TRAK1: variants seen among roughly 807,000 people sequenced by gnomAD.
TRAK1 encodes trafficking kinesin-binding protein 1.
TRAK1 carries 33 observed loss-of-function variants against 92.1 expected under a neutral mutation model. The observed-to-expected ratio is 0.36, with a 90% CI of 0.27 to 0.48. The LOEUF (loss-of-function observed/expected upper bound fraction) is 0.48. Among genes scored for constraint, TRAK1 ranks in the 20% least tolerant of loss-of-function variants. TRAK1 has a pLI of 0.99. For missense variants in TRAK1, 1,123 were observed against 1,257.9 expected, an observed-to-expected ratio of 0.89 and a Z score of 1.62; for synonymous variants, 521 against 517.3, an observed-to-expected ratio of 1.01 and a Z score of -0.10.
rs1710015548 is a variant in TRAK1 at position 42,218,880 on chromosome 3, C to T, written c.1964-614C>T. ...TCCTGGAGCTCAGGACCCTAGAGAG[C>T]CCTGATCTCTGGAACTCTTGCCACG... On this transcript the variant is annotated intron_variant, in intron 14 of 15. Transcript: ENST00000327628. The T allele has an allele frequency of 1.9e-5, 19 of 985,254 alleles. No individual in the cohort carries two copies. In the South Asian group the frequency reaches 6.1e-4, roughly 32 times the overall value. The allele number at this position is 985,254 out of a possible 1,614,324, so 61.0% of individuals were successfully genotyped here.
chr3:42,223,755 G>C lies in TRAK1; in HGVS notation c.*18G>C. ...TACGGTGAGGACTGGAGGGGGGCCGGTTGCCCTAGAGGAGACCCACGTTCT... is the reference window on the plus strand; with the variant it reads ...TACGGTGAGGACTGGAGGGGGGCCGCTTGCCCTAGAGGAGACCCACGTTCT... On this transcript the variant is annotated 3_prime_UTR_variant, in exon 16 of 16. Coordinates refer to ENST00000327628, the MANE Select transcript of TRAK1 (RefSeq NM_001042646.3). This position sits in a 1 kb window ranked among gnomAD's most constrained non-coding sequence, Gnocchi z 6.1. The C allele has an allele frequency of 6.3e-7, 1 of 1,586,500 alleles. No homozygotes were observed. The highest frequency in any genetic ancestry group is 1.1e-5 in the South Asian group (1 of 87,744).
rs1036511691 is a variant in TRAK1, at chr3:42,211,897, G to T, written c.1963+1912G>T. On this transcript the variant is annotated intron_variant, in intron 14 of 15. Coordinates refer to ENST00000327628, the MANE Select transcript of TRAK1 (RefSeq NM_001042646.3). Reference sequence around the variant, plus strand: ...ATAGTTGAAACTGTAGAAAGGGTCAGGTTGGAGGTGTGTAATAAAAAAGAA... The same window carrying T: ...ATAGTTGAAACTGTAGAAAGGGTCATGTTGGAGGTGTGTAATAAAAAAGAA... 5.1e-6 allele frequency: 5 copies of T among 985,432 alleles called. No individual in the cohort carries two copies. In the African/African-American group the frequency reaches 8.7e-5, roughly 17 times the overall value. 61.0% of individuals were successfully genotyped at this position (985,432 alleles called of 1,614,324 possible).
upstream of TRAK1, among the ~76,000 whole-genome samples, chr3:42,083,993 C>G (rs1223725579): frequency 6.6e-6 from 1 of 151,742 alleles, no homozygotes; most frequent in Non-Finnish European, 1.5e-5. Context: ...TTATCTAAAT[C>G]TTTGGAATTT....
chr3:42,020,114 A>G (rs56994465), intron 1 of TRAK1, among the ~76,000 whole-genome samples: 25,170 of 152,160 alleles, frequency 0.17, 2,173 homozygotes, highest in Middle Eastern at 0.31. Flanking sequence ...GAAGAGGACA[A>G]TGCTCACGAG....
intron 2 of TRAK1, among the ~76,000 whole-genome samples, chr3:42,164,468 G>A (rs1701634222): frequency 1.3e-5 from 2 of 152,230 alleles, no homozygotes; most frequent in Admixed American, 1.3e-4. Flanking sequence ...CTGAGGCTCA[G>A]ATAGTTTGCA....
intron 13 of TRAK1, chr3:42,203,785 T>TA (rs1707999817): frequency 1.1e-6 from 1 of 924,602 alleles, no homozygotes; most frequent in Non-Finnish European, 1.3e-6. Flanking sequence ...GACATTTTAA[T>TA]ACCACATATA....
At chr3:42,150,576 C>T (rs569210676) in intron 2 of TRAK1, among the ~76,000 whole-genome samples, 25 of 152,224 alleles carry the variant, frequency 1.6e-4, no homozygotes, top group East Asian at 1.4e-3. Flanking sequence ...TTAATTGAGT[C>T]GGGAGTTTCA....
At chr3:42,210,402 C>CA in intron 14 of TRAK1, 4 of 1,107,530 alleles carry the variant, frequency 3.6e-6, no homozygotes, top group Middle Eastern at 3.4e-4. Flanking sequence ...GGAAAGGCTG[C>CA]TAAAAAAAAA....
At chr3:42,070,269 TATGA>T (rs1703875784) in intron 1 of TRAK1, among the ~76,000 whole-genome samples, 1 of 148,094 alleles carries the variant, frequency 6.8e-6, no homozygotes, top group African/African-American at 2.5e-5. Flanking sequence ...TTATAATAAT[TATGA>T]ATAATAATTA....
intron 1 of TRAK1, among the ~76,000 whole-genome samples, chr3:42,059,824 C>T (rs1449255553): frequency 6.6e-6 from 1 of 152,164 alleles, no homozygotes; most frequent in East Asian, 1.9e-4. Context: ...ACTTCAGTTT[C>T]TTCCTCTGTG....
chr3:42,135,279 G>A (rs1211268065), intron 2 of TRAK1, among the ~76,000 whole-genome samples: 1 of 152,228 alleles, frequency 6.6e-6, no homozygotes, highest in Non-Finnish European at 1.5e-5. Context: ...TACAGAGGGT[G>A]GAGCCCAGTA....
chr3:42,141,469 G>T (rs915335949), intron 2 of TRAK1, among the ~76,000 whole-genome samples: 1 of 152,072 alleles, frequency 6.6e-6, no homozygotes, highest in Non-Finnish European at 1.5e-5. Context: ...AAGAAAATAC[G>T]ATCTCAGCAG....
intron 15 of TRAK1, among the ~76,000 whole-genome samples, 192 bp downstream of exon 15, chr3:42,219,788 T>G (rs1247082652): frequency 3.0e-4 from 14 of 46,534 alleles, no homozygotes; most frequent in African/African-American, 1.7e-3. Flanking sequence ...TGTTATGTGT[T>G]TTTTTTTTTT....
chr3:42,212,092 A>G (rs531164577), intron 14 of TRAK1: 41 of 985,408 alleles, frequency 4.2e-5, no homozygotes, highest in East Asian at 3.4e-4. Context: ...GACCATTTTG[A>G]TTCTTAGAAT....
intron 2 of TRAK1, among the ~76,000 whole-genome samples, chr3:42,144,951 CAGTTTTT>C (rs1440479125): frequency 4.6e-5 from 7 of 152,084 alleles, no homozygotes; most frequent in Non-Finnish European, 7.3e-5. Flanking sequence ...CATAGAATGT[CAGTTTTT>C]CTATGTCTAT....
chr3:42,166,817 C>A (rs1701921704), intron 2 of TRAK1, among the ~76,000 whole-genome samples: 1 of 152,180 alleles, frequency 6.6e-6, no homozygotes, highest in Admixed American at 6.5e-5. Context: ...TGGCCTCTGT[C>A]CTTGGCAAGT....
In TRAK1 at chr3:42,202,771, G is replaced by A. The variant is rs773196347; in HGVS notation, c.1744+19G>A. ...CTGGAAGGTGATCACGCGGGGCCTC[G>A]GCCCCTCTCTGTCCTCCTGGGGGAC... is the stretch of plus-strand genomic sequence containing the variant. On this transcript the variant is annotated intron_variant, in intron 13 of 15. Coordinates refer to ENST00000327628, the MANE Select transcript of TRAK1 (RefSeq NM_001042646.3). The surrounding 1 kb of genome is among the most constrained non-coding windows in gnomAD (Gnocchi z 6.1). The A allele has an allele frequency of 1.2e-5, 19 of 1,612,498 alleles. No individual in the cohort carries two copies. The highest frequency in any genetic ancestry group is 2.7e-5 in the African/African-American group (2 of 75,040).
intron 2 of TRAK1, chr3:42,151,510 C>T: frequency 6.0e-6 from 2 of 333,608 alleles, no homozygotes; most frequent in South Asian, 2.4e-5. Flanking sequence ...TGTCCTTTAT[C>T]ATCTATCCCA....
intron 1 of TRAK1, among the ~76,000 whole-genome samples, chr3:42,072,152 C>T (rs1359078663): frequency 1.3e-5 from 2 of 152,154 alleles, no homozygotes; most frequent in East Asian, 3.9e-4. Context: ...CCACTATGTA[C>T]CCAAAACAGC....
Sources: allele counts gnomAD v4.1 joint callset (sites outside exome capture counted in the v4.1 genomes callset), GRCh38; gene constraint gnomAD v4.1.1; non-coding constraint Gnocchi (gnomAD v3.1); transcripts MANE v1.5; gene names NCBI Gene and HGNC (gene_info 2026-07-23, HGNC 2026-07-21).